The following TUSC3 variants were observed in gnomAD, a reference collection of about 807,000 sequenced individuals.
TUSC3 encodes dolichyl-diphosphooligosaccharide--protein glycosyltransferase subunit TUSC3.
In TUSC3, 45 loss-of-function variants were observed where a neutral mutation model predicts 44.8. That is an observed-to-expected ratio of 1.00 (90% CI 0.79 to 1.29). TUSC3 has a LOEUF of 1.29. Among genes scored for constraint, TUSC3 ranks in the 50% most tolerant of loss-of-function variants. The pLI is 0.00. For missense variants in TUSC3, 519 were observed against 437.9 expected, an observed-to-expected ratio of 1.19 and a Z score of -1.65; for synonymous variants, 212 against 152.9, an observed-to-expected ratio of 1.39 and a Z score of -2.85.
intron 1 of TUSC3, among the ~76,000 whole-genome samples, chr8:15,604,963 A>G: frequency 6.6e-6 from 1 of 151,836 alleles, no homozygotes; most frequent in East Asian, 1.9e-4. Context: ...TGCTTTCTTC[A>G]GTTTTTTGGT....
At chr8:15,470,484 T>C (rs1800475784) in intron 1 of TUSC3, among the ~76,000 whole-genome samples, 1 of 152,188 alleles carries the variant, frequency 6.6e-6, no homozygotes, top group Non-Finnish European at 1.5e-5. Flanking sequence ...GGCTCATGGA[T>C]TATAACATAT....
the TUSC3 span, among the ~76,000 whole-genome samples, chr8:15,827,092 G>T: frequency 3.9e-5 from 6 of 152,088 alleles, no homozygotes; most frequent in Admixed American, 3.3e-4. Context: ...CCTATTTCTA[G>T]TCTCTTGACT....
chr8:15,782,330 G>T, the TUSC3 span, among the ~76,000 whole-genome samples: 1 of 152,010 alleles, frequency 6.6e-6, no homozygotes, highest in Admixed American at 6.6e-5. Flanking sequence ...TTTTTTTTAA[G>T]TAGCCAGGCA....
the TUSC3 span, among the ~76,000 whole-genome samples, chr8:15,778,066 A>G: frequency 6.6e-6 from 1 of 150,474 alleles, no homozygotes; most frequent in African/African-American, 2.4e-5. Flanking sequence ...CTTCAATCTG[A>G]GTGACATCAG....
intron 6 of TUSC3, among the ~76,000 whole-genome samples, chr8:15,677,490 T>G (rs354509): frequency 0.072 from 10,987 of 152,272 alleles, 572 homozygotes; most frequent in East Asian, 0.21. Flanking sequence ...TTCCAAACTC[T>G]GACTCTTACC....
At position 15,673,831 on chromosome 8, in the gene TUSC3, C is replaced by T; in HGVS notation, c.793C>T (p.Gln265Ter). The T allele has an allele frequency of 1.9e-6, 3 of 1,611,280 alleles. No individual in the cohort carries two copies. The highest frequency in any genetic ancestry group is 2.5e-6 in the Non-Finnish European group (3 of 1,177,954). The change falls in exon 6 of 11, where the codon CAA becomes TAA. Residue 265 changes from glutamine (Q) to a stop codon, truncating the protein, a stop_gained. Coordinates refer to ENST00000503731, the MANE Select transcript of TUSC3 (RefSeq NM_006765.4). LOFTEE classifies it high-confidence loss of function. Reference protein sequence around the residue: ...PYAHKNPHNGQVSYIHGSSQA... With the variant: ...PYAHKNPHNG Reference sequence around the variant, plus strand: ...TGCTCATAAGAACCCACACAATGGACAAGTGGTAAGTGTAATTTATAAGCA... The same window carrying T: ...TGCTCATAAGAACCCACACAATGGATAAGTGGTAAGTGTAATTTATAAGCA...
rs772990658 is a variant in TUSC3, at chr8:15,437,731, C to T, written n.91+20426C>T. ...CTTCCAGCTGCACCCTTTGGAAGCA[C>T]TGGAAAGTAGAAATATTGTTTGCTC... is the stretch of plus-strand genomic sequence containing the variant. On this transcript the variant is annotated intron_variant and non_coding_transcript_variant, in intron 1 of 5. Transcript: ENST00000503191. Among the ~76,000 whole-genome samples, 11 of 152,156 alleles carry T rather than the reference C, an allele frequency of 7.2e-5. No individual in the cohort carries two copies. In the South Asian group the frequency reaches 1.0e-3, roughly 14 times the overall value.
At chr8:15,495,190 C>T (rs1370436726) in intron 2 of TUSC3, among the ~76,000 whole-genome samples, 1 of 152,136 alleles carries the variant, frequency 6.6e-6, no homozygotes, top group Non-Finnish European at 1.5e-5. Context: ...TATCTTCCAC[C>T]CTTTAGATAA....
chr8:15,573,289 C>G lies in TUSC3; in HGVS notation c.138+32721C>G, dbSNP rs145891005. On this transcript the variant is annotated intron_variant, in intron 1 of 10. Coordinates refer to ENST00000503731, the MANE Select transcript of TUSC3 (RefSeq NM_006765.4). ...CACTCCTGGGAGGCCTAGGATTATT[C>G]TGTTTGAGAAAGGGAGTCAGAGCTG... Among the ~76,000 whole-genome samples the G allele has an allele frequency of 8.1e-3, 1,122 of 138,382 alleles. 10 individuals are homozygous for G. The highest frequency in any genetic ancestry group is 0.013 in the Non-Finnish European group (823 of 65,542). 90.8% of individuals were successfully genotyped at this position (138,382 alleles called of 152,430 possible).
the TUSC3 span, among the ~76,000 whole-genome samples, chr8:15,786,113 A>T: frequency 2.5e-3 from 374 of 152,340 alleles, 1 homozygote; most frequent in African/African-American, 8.3e-3. Flanking sequence ...AACCTTTTAA[A>T]TGTAAAAGAT....
At chr8:15,573,115 A>G (rs960512998) in intron 1 of TUSC3, among the ~76,000 whole-genome samples, 7 of 150,844 alleles carry the variant, frequency 4.6e-5, no homozygotes, top group African/African-American at 1.7e-4. Context: ...GCAAAGCACA[A>G]TAAAAGGAAG....
At chr8:15,507,630 C>T (rs887368686) in intron 2 of TUSC3, among the ~76,000 whole-genome samples, 3 of 151,928 alleles carry the variant, frequency 2.0e-5, no homozygotes, top group African/African-American at 7.3e-5. Flanking sequence ...AGGATGATTT[C>T]GGAAACCTCC....
intron 1 of TUSC3, among the ~76,000 whole-genome samples, chr8:15,435,757 A>T (rs917936644): frequency 6.6e-6 from 1 of 152,350 alleles, no homozygotes; most frequent in Non-Finnish European, 1.5e-5. Flanking sequence ...AACTTGGCCT[A>T]CATTGCTCTT....
intron 1 of TUSC3, among the ~76,000 whole-genome samples, chr8:15,418,984 A>G (rs1162182811): frequency 6.6e-6 from 1 of 152,172 alleles, no homozygotes; most frequent in East Asian, 1.9e-4. Flanking sequence ...CAGCCTGAGC[A>G]ACAGTGCAAG....
In TUSC3 at chr8:15,577,481, G is replaced by A. The variant is rs568976169; in HGVS notation, c.138+36913G>A. Among the ~76,000 whole-genome samples, 811 of 151,240 alleles carry A rather than the reference G, an allele frequency of 5.4e-3. 12 individuals are homozygous for A. Among genetic ancestry groups the A allele is most frequent in the African/African-American group, 0.019 (783 of 41,316 alleles). ...TTAAATCTTTAATCCATCTTGAATT[G>A]TTTTTTGTATAAGGTGTAAGGAAGG... On this transcript the variant is annotated intron_variant, in intron 1 of 10. Transcript: ENST00000503731.
intron 9 of TUSC3, among the ~76,000 whole-genome samples, chr8:15,755,982 CA>C (rs1811913204): frequency 6.6e-6 from 1 of 152,148 alleles, no homozygotes. Context: ...TAAGATACAT[CA>C]AGTCTCTGCT....
intron 1 of TUSC3, among the ~76,000 whole-genome samples, chr8:15,433,834 A>G (rs1025504352): frequency 1.3e-5 from 2 of 152,150 alleles, no homozygotes; most frequent in Non-Finnish European, 1.5e-5. Flanking sequence ...CATACTCTGT[A>G]TTTGGATTTT....
At chr8:15,447,503 T>C (rs916689809) in intron 1 of TUSC3, among the ~76,000 whole-genome samples, 2 of 152,252 alleles carry the variant, frequency 1.3e-5, no homozygotes, top group East Asian at 1.9e-4. Context: ...TCATCAAATA[T>C]TTCTAAATGG....
intron 2 of TUSC3, among the ~76,000 whole-genome samples, chr8:15,625,280 A>T (rs1010634708): frequency 6.6e-6 from 1 of 152,124 alleles, no homozygotes; most frequent in Non-Finnish European, 1.5e-5. Context: ...TAAGTTAATG[A>T]TAGACACTGG....
Sources: allele counts gnomAD v4.1 joint callset (sites outside exome capture counted in the v4.1 genomes callset), GRCh38; gene constraint gnomAD v4.1.1; transcripts MANE v1.5; gene names NCBI Gene and HGNC (gene_info 2026-07-23, HGNC 2026-07-21).